The following CLYBL variants were observed in gnomAD, a reference collection of about 807,000 sequenced individuals.
CLYBL encodes the protein citramalyl-CoA lyase, mitochondrial.
A neutral mutation model predicts 38.9 loss-of-function variants in CLYBL; 31 were observed. The ratio of observed to expected loss-of-function variants is 0.80; its 90% confidence interval spans 0.60 to 1.08. CLYBL has a LOEUF of 1.08. Among genes scored for constraint, CLYBL ranks in the 50% least tolerant of loss-of-function variants. The pLI is 0.00. For missense variants in CLYBL, 434 were observed against 411.6 expected, an observed-to-expected ratio of 1.05 and a Z score of -0.47; for synonymous variants, 171 against 158.6, an observed-to-expected ratio of 1.08 and a Z score of -0.59.
At chr13:99,885,855 G>A (rs749343475) in intron 7 of CLYBL, among the ~76,000 whole-genome samples, 1 of 152,158 alleles carries the variant, frequency 6.6e-6, no homozygotes, top group African/African-American at 2.4e-5. Context: ...GTTTCAGGGC[G>A]CTGTTGACCT....
intron 2 of CLYBL, among the ~76,000 whole-genome samples, chr13:99,817,520 T>C (rs1594201077): frequency 1.3e-5 from 2 of 151,636 alleles, no homozygotes; most frequent in Middle Eastern, 3.4e-3. Context: ...CCGGGCGTGG[T>C]GGCAGGTGCC....
At chr13:99,629,591 A>G (rs1464786936) in intron 1 of CLYBL, among the ~76,000 whole-genome samples, 2 of 152,108 alleles carry the variant, frequency 1.3e-5, no homozygotes, top group Non-Finnish European at 2.9e-5. Flanking sequence ...CTCTTTGGCC[A>G]CTAGGAAGCA....
intron 2 of CLYBL, among the ~76,000 whole-genome samples, chr13:99,824,417 A>G (rs1432891047): frequency 3.3e-5 from 5 of 152,218 alleles, no homozygotes; most frequent in Non-Finnish European, 7.3e-5. Flanking sequence ...CCACTTTTGG[A>G]TTGAAACAAT....
chr13:99,607,429 C>T (rs2046544874), intron 1 of CLYBL, among the ~76,000 whole-genome samples: 1 of 152,196 alleles, frequency 6.6e-6, no homozygotes, highest in South Asian at 2.1e-4. Context: ...ATTCTGGGCT[C>T]ATGCAGATGC....
chr13:99,695,559 G>T (rs770183833), intron 1 of CLYBL, among the ~76,000 whole-genome samples: 2 of 151,472 alleles, frequency 1.3e-5, no homozygotes, highest in African/African-American at 4.9e-5. Context: ...TCCCTCTGTC[G>T]CCCAGGCTGG....
intron 1 of CLYBL, among the ~76,000 whole-genome samples, chr13:99,729,087 A>G (rs546669737): frequency 6.6e-6 from 1 of 152,348 alleles, no homozygotes; most frequent in African/African-American, 2.4e-5. Flanking sequence ...CTTCCCAGAG[A>G]TCAGGATGAA....
intron 1 of CLYBL, among the ~76,000 whole-genome samples, chr13:99,676,625 C>T (rs965457597): frequency 1.3e-4 from 19 of 146,980 alleles, no homozygotes; most frequent in African/African-American, 4.8e-4. Flanking sequence ...TGGAGTTTTG[C>T]TCTTGTTGCC....
At chr13:99,618,091 G>A (rs9557265) in intron 1 of CLYBL, among the ~76,000 whole-genome samples, 39,077 of 152,066 alleles carry the variant, frequency 0.26, 6,189 homozygotes, top group East Asian at 0.58. Flanking sequence ...TGAGAGCAGG[G>A]ACTTGGTTTA....
At chr13:99,702,274 G>A (rs1464237828) in intron 1 of CLYBL, among the ~76,000 whole-genome samples, 2 of 151,966 alleles carry the variant, frequency 1.3e-5, no homozygotes, top group African/African-American at 2.4e-5. Context: ...GCGCCACTCC[G>A]CTCAGCCCAC....
At chr13:99,665,428 T>C (rs1331404889) in intron 1 of CLYBL, among the ~76,000 whole-genome samples, 6 of 152,046 alleles carry the variant, frequency 3.9e-5, no homozygotes, top group Admixed American at 2.6e-4. Context: ...AAAAATACTT[T>C]GGTTGAGGCA....
At chr13:99,686,340 C>T (rs548200731) in intron 1 of CLYBL, among the ~76,000 whole-genome samples, 1 of 152,342 alleles carries the variant, frequency 6.6e-6, no homozygotes, top group Non-Finnish European at 1.5e-5. Flanking sequence ...ACCGGCTCGG[C>T]CCAGCACCAG....
chr13:99,841,809 T>C (rs1295101457), intron 2 of CLYBL, among the ~76,000 whole-genome samples: 2 of 133,528 alleles, frequency 1.5e-5, no homozygotes, highest in African/African-American at 6.3e-5. Flanking sequence ...TTCTTTTCTT[T>C]TCCTTTTTTT....
chr13:99,893,368 G>T (rs564450014), downstream of CLYBL: 1 of 152,340 alleles, frequency 6.6e-6, no homozygotes, highest in Non-Finnish European at 1.5e-5. Context: ...CCAGGACCAC[G>T]CTGTGCACCC....
chr13:99,716,294 G>A (rs1400016003), intron 1 of CLYBL, among the ~76,000 whole-genome samples: 7 of 143,650 alleles, frequency 4.9e-5, no homozygotes, highest in South Asian at 4.4e-4. Context: ...ACTGGTGTGC[G>A]CCACCATGCC....
intron 1 of CLYBL, among the ~76,000 whole-genome samples, chr13:99,764,794 CT>C (rs2049235203): frequency 6.6e-6 from 1 of 151,992 alleles, no homozygotes; most frequent in South Asian, 2.1e-4. Context: ...CTCCTCCTGC[CT>C]CAGCCTCCCA....
At chr13:99,787,781 T>G (rs1227174805) in intron 2 of CLYBL, among the ~76,000 whole-genome samples, 1 of 152,212 alleles carries the variant, frequency 6.6e-6, no homozygotes, top group Non-Finnish European at 1.5e-5. Flanking sequence ...ATCTATAAAT[T>G]ACCTTGGGCA....
chr13:99,868,482 G>A (rs896960745), intron 6 of CLYBL, among the ~76,000 whole-genome samples: 1 of 152,172 alleles, frequency 6.6e-6, no homozygotes, highest in East Asian at 1.9e-4. Context: ...CTTATCTGAA[G>A]CAGGTGGTTG....
chr13:99,700,260 C>T (rs2048044232), intron 1 of CLYBL, among the ~76,000 whole-genome samples: 1 of 152,064 alleles, frequency 6.6e-6, no homozygotes, highest in Non-Finnish European at 1.5e-5. Context: ...CGAGACTAGC[C>T]TGACCAACAT....
intron 2 of CLYBL, among the ~76,000 whole-genome samples, chr13:99,817,466 G>A (rs1447167757): frequency 1.3e-5 from 2 of 151,576 alleles, no homozygotes; most frequent in Non-Finnish European, 2.9e-5. Flanking sequence ...AGACCATCCT[G>A]GCTAACACGA....
Sources: gnomAD v4.1 joint callset for allele counts (sites outside exome capture counted in the v4.1 genomes callset) on GRCh38, gnomAD v4.1.1 for gene constraint, MANE v1.5 for transcripts, NCBI Gene and HGNC (gene_info 2026-07-23, HGNC 2026-07-21) for gene names.